Variants in DPP6 observed in about 807,000 individuals in gnomAD.
The protein encoded by DPP6 is A-type potassium channel modulatory protein DPP6.
A neutral mutation model predicts 122.6 loss-of-function variants in DPP6; 69 were observed. The ratio of observed to expected loss-of-function variants is 0.56; its 90% CI spans 0.46 to 0.69. The LOEUF is 0.69. DPP6 is among the 30% of genes least tolerant of loss of function. The pLI is 0.00. For synonymous variants in DPP6, 418 were observed against 433.1 expected, an observed-to-expected ratio of 0.97 and a Z score of 0.43; for missense variants, 928 against 1,116.9, an observed-to-expected ratio of 0.83 and a Z score of 2.41.
intron 1 of DPP6, among the ~76,000 whole-genome samples, chr7:153,957,668 T>C (rs1332010263): frequency 1.3e-5 from 2 of 152,162 alleles, no homozygotes; most frequent in African/African-American, 4.8e-5. Flanking sequence ...TCCAATCCAG[T>C]GGGGTTATTC....
Position 153,903,951 on chromosome 7 carries a change from A to G in DPP6, c.51+16217A>G, listed in dbSNP as rs539562784. Among the ~76,000 whole-genome samples, 16 of 152,300 alleles carry G rather than the reference A, an allele frequency of 1.1e-4. No homozygotes were observed. The South Asian group carries it at 3.1e-3, about 30-fold the overall frequency. Reference sequence around the variant, plus strand: ...GTTTTCTAAAACTGTCAATCATCCTATGTGTGACAAGCAGAGAGTTTCCTG... The same window carrying G: ...GTTTTCTAAAACTGTCAATCATCCTGTGTGTGACAAGCAGAGAGTTTCCTG... On this transcript the variant is annotated intron_variant, in intron 1 of 25. Transcript: ENST00000404039.
chr7:154,639,505 A>G (rs1227236924), intron 6 of DPP6, among the ~76,000 whole-genome samples: 2 of 152,164 alleles, frequency 1.3e-5, no homozygotes, highest in African/African-American at 4.8e-5. Flanking sequence ...ATTTCGTTCC[A>G]TCTTATATCA....
chr7:154,582,103 C>T (rs1374437204), intron 5 of DPP6, among the ~76,000 whole-genome samples: 2 of 152,198 alleles, frequency 1.3e-5, no homozygotes, highest in Non-Finnish European at 2.9e-5. Context: ...TCTGCTACTT[C>T]CCAAAGGGAC....
rs1842687209 is a variant in DPP6 at position 154,738,808 on chromosome 7, A to G, written c.883+10921A>G. On this transcript the variant is annotated intron_variant, in intron 8 of 25. Transcript: ENST00000377770. The stretch of plus-strand genomic sequence containing the variant: ...CCAGCATTCCCTTCCATAAACTTCA[A>G]ACGTAAGCCTGATCAGAACAAGGCT... 6.6e-5 allele frequency among the ~76,000 whole-genome samples: 10 copies of G among 152,242 alleles called. No individual in the cohort carries two copies. The South Asian group carries it at 1.9e-3, about 28-fold the overall frequency.
chr7:153,873,614 G>C, the DPP6 span, among the ~76,000 whole-genome samples: 12 of 152,282 alleles, frequency 7.9e-5, no homozygotes, highest in Non-Finnish European at 1.2e-4. Flanking sequence ...TTCTCGACAG[G>C]AAAGTCTGGA....
At chr7:154,500,632 G>A (rs1355320725) in intron 3 of DPP6, among the ~76,000 whole-genome samples, 4 of 152,174 alleles carry the variant, frequency 2.6e-5, no homozygotes, top group Admixed American at 6.6e-5. Context: ...TATGAGACAT[G>A]CCTTTTACCT....
chr7:153,845,728 C>A, the DPP6 span, among the ~76,000 whole-genome samples: 1 of 152,044 alleles, frequency 6.6e-6, no homozygotes. Context: ...TATTCTATTT[C>A]TGTTCTCTTG....
At chr7:154,598,301 C>G (rs1174170180) in intron 5 of DPP6, among the ~76,000 whole-genome samples, 3 of 152,134 alleles carry the variant, frequency 2.0e-5, no homozygotes, top group Non-Finnish European at 2.9e-5. Flanking sequence ...AAAGGAAAAC[C>G]GTTTTGGAAG....
chr7:154,057,095 C>A (rs1800892479), intron 1 of DPP6, among the ~76,000 whole-genome samples: 1 of 152,188 alleles, frequency 6.6e-6, no homozygotes, highest in East Asian at 1.9e-4. Flanking sequence ...AAAGTGGGAG[C>A]CATGAGGCCA....
chr7:153,964,978 C>CCCTTCCTT (rs1395970237), intron 1 of DPP6, among the ~76,000 whole-genome samples: 1 of 71,232 alleles, frequency 1.4e-5, no homozygotes, highest in Non-Finnish European at 2.4e-5. Context: ...CATTTCTTTT[C>CCCTTCCTT]CCTTCCTTCC....
intron 1 of DPP6, among the ~76,000 whole-genome samples, chr7:154,120,214 A>G (rs918715036): frequency 2.0e-5 from 3 of 149,814 alleles, no homozygotes; most frequent in African/African-American, 7.4e-5. Context: ...TGATTTCTAT[A>G]TTCGTCATTC....
rs76986438 is a variant in DPP6 at position 154,263,679 on chromosome 7, T to TTTATTA, written c.244-182517_244-182512dup. On this transcript the variant is annotated intron_variant, in intron 1 of 25. Transcript: ENST00000377770. Reference sequence around the variant, plus strand: ...CCAAACAGTCCTCTGTTATGTTCTTTTTATTATTATTATTATTATTATTTT... The same window carrying TTTATTA: ...CCAAACAGTCCTCTGTTATGTTCTTTTTATTATTATTATTATTATTATTATTATTTT... Among the ~76,000 whole-genome samples, 267 of 151,552 alleles carry TTTATTA rather than the reference T, an allele frequency of 1.8e-3. 1 individual carries two copies. The highest frequency in any genetic ancestry group is 6.0e-3 in the African/African-American group (249 of 41,190).
intron 3 of DPP6, among the ~76,000 whole-genome samples, chr7:154,498,239 C>T (rs1334692343): frequency 2.0e-5 from 3 of 152,114 alleles, no homozygotes; most frequent in Non-Finnish European, 2.9e-5. Context: ...TTGGACTGAG[C>T]GAGGTGGAAG....
At chr7:153,780,997 C>T in the DPP6 span, among the ~76,000 whole-genome samples, 1 of 152,120 alleles carries the variant, frequency 6.6e-6, no homozygotes, top group Non-Finnish European at 1.5e-5. Context: ...ATGTGTTTGT[C>T]ATGATAAATT....
the DPP6 span, among the ~76,000 whole-genome samples, chr7:153,879,921 G>A: frequency 2.0e-5 from 3 of 152,078 alleles, no homozygotes; most frequent in Admixed American, 6.6e-5. Context: ...AAAAGTCCCC[G>A]CTATGTTGGT....
intron 3 of DPP6, among the ~76,000 whole-genome samples, chr7:154,526,344 G>A (rs2130044471): frequency 6.6e-6 from 1 of 152,194 alleles, no homozygotes; most frequent in African/African-American, 2.4e-5. Flanking sequence ...GATTTTTCCA[G>A]GTGAAAGATA....
chr7:153,904,340 C>T (rs1799759205), intron 1 of DPP6, among the ~76,000 whole-genome samples: 1 of 152,176 alleles, frequency 6.6e-6, no homozygotes, highest in African/African-American at 2.4e-5. Flanking sequence ...GCGTGAGTCA[C>T]CACACCTGGC....
intron 5 of DPP6, among the ~76,000 whole-genome samples, chr7:154,594,742 G>A (rs185668207): frequency 9.5e-4 from 145 of 152,208 alleles, no homozygotes; most frequent in African/African-American, 3.4e-3. Context: ...TACAGTAAAC[G>A]ATCAAGGACA....
At chr7:153,830,732 C>G in the DPP6 span, among the ~76,000 whole-genome samples, 1 of 152,084 alleles carries the variant, frequency 6.6e-6, no homozygotes, top group Non-Finnish European at 1.5e-5. Flanking sequence ...TATCTCATAC[C>G]GAATTTAATA....
Sources: allele counts gnomAD v4.1 joint callset (sites outside exome capture counted in the v4.1 genomes callset), GRCh38; gene constraint gnomAD v4.1.1; transcripts MANE v1.5; gene names NCBI Gene and HGNC (gene_info 2026-07-23, HGNC 2026-07-21).